The following ABCA3 variants were observed in gnomAD, a reference collection of about 807,000 sequenced individuals.
ABCA3 encodes ATP binding cassette subfamily A member 3.
Under a neutral mutation model 172.8 loss-of-function variants are expected in ABCA3, and 88 were observed. That is an observed-to-expected ratio of 0.51 (90% CI 0.43 to 0.61). The LOEUF (loss-of-function observed/expected upper bound fraction) is 0.61, where lower values mean the gene tolerates loss of function less well. Ranked by LOEUF, ABCA3 falls within the 20% of genes least tolerant of loss-of-function variation. ABCA3 has a pLI of 0.00. For missense variants in ABCA3, 2,164 were observed against 2,301.0 expected, an observed-to-expected ratio of 0.94 and a Z score of 1.22; for synonymous variants, 1,066 against 983.8, an observed-to-expected ratio of 1.08 and a Z score of -1.56.
chr16:2,285,514 G>A lies in ABCA3; in HGVS notation c.3411C>T (p.His1137=), dbSNP rs150498812. The A allele has an allele frequency of 6.8e-6, 11 of 1,608,736 alleles. No individual in the cohort carries two copies. Among genetic ancestry groups the A allele is most frequent in the Admixed American group, 6.7e-5 (4 of 59,302 alleles). The change falls in exon 23 of 33, where the codon CAC becomes CAT. Residue 1137 remains histidine (H), a synonymous_variant. Coordinates refer to ENST00000301732, the MANE Select transcript of ABCA3 (RefSeq NM_001089.3). The surrounding 1 kb of genome is among the most constrained non-coding windows in gnomAD (Gnocchi z 4.7). ...GAGCAGAGAGCCAGAAACTGGCCAC[G>A]TGGACTCCACTCACAAACTGCACAT... ...AKHVQFVSGV[H]VASFWLSALL...
Position 2,297,547 on chromosome 16 carries a change from G to A in ABCA3, c.2053-8C>T. The A allele has an allele frequency of 6.2e-7, 1 of 1,611,784 alleles. No homozygotes were observed. The highest frequency in any genetic ancestry group is 8.5e-7 in the Non-Finnish European group (1 of 1,179,866). On this transcript the variant is annotated splice_region_variant and splice_polypyrimidine_tract_variant and intron_variant, in intron 16 of 32. Coordinates refer to ENST00000301732, the MANE Select transcript of ABCA3 (RefSeq NM_001089.3). The surrounding 1 kb of genome is among the most constrained non-coding windows in gnomAD (Gnocchi z 5.6). ...CTCGTCCAGTATCAGCACCTGGAGG[G>A]AGAGACACAGTCTCGCGACGCTGGT...
At chr16:2,302,621 A>G (rs541278275) in intron 12 of ABCA3, among the ~76,000 whole-genome samples, 1 of 151,974 alleles carries the variant, frequency 6.6e-6, no homozygotes, top group Non-Finnish European at 1.5e-5. Context: ...CTGGGACCAC[A>G]GGCATGTGCC....
rs1596828361 is a variant in ABCA3 at position 2,279,699 on chromosome 16, C to A, written c.4360-569G>T. On this transcript the variant is annotated intron_variant, in intron 28 of 32. Transcript: ENST00000301732. The surrounding 1 kb of genome is among the most constrained non-coding windows in gnomAD (Gnocchi z 4.4). ...TCTGTGGATTCCAGAGACTGGATTTCTTTTTCTTTACCTTCCTTCTTTGGG... is the reference window on the plus strand; with the variant it reads ...TCTGTGGATTCCAGAGACTGGATTTATTTTTCTTTACCTTCCTTCTTTGGG... Among the ~76,000 whole-genome samples, 1 of 151,502 alleles carries A rather than the reference C, an allele frequency of 6.6e-6. No homozygotes were observed. The highest frequency in any genetic ancestry group is 3.4e-3 in the Middle Eastern group (1 of 294).
At position 2,284,512 on chromosome 16, in the gene ABCA3, C is replaced by G. The variant is rs547822173; in HGVS notation, c.3704-75G>C. 33 of 1,585,440 alleles carry G rather than the reference C, an allele frequency of 2.1e-5. 1 individual carries two copies. In the Middle Eastern group the frequency reaches 4.0e-3, roughly 192 times the overall value. On this transcript the variant is annotated intron_variant, in intron 24 of 32. Coordinates refer to ENST00000301732, the MANE Select transcript of ABCA3 (RefSeq NM_001089.3). The surrounding 1 kb of genome is among the most constrained non-coding windows in gnomAD (Gnocchi z 5.9). ...ACCTCCAGGACGGGCCTGGTCAGGG[C>G]GGGCACAGGGCCTTATCCGTGCTGT... is the stretch of plus-strand genomic sequence containing the variant.
In ABCA3 at chr16:2,278,515, C is replaced by G; in HGVS notation, c.4548-57G>C. 1 of 1,595,526 alleles carries G rather than the reference C, an allele frequency of 6.3e-7. No individual in the cohort carries two copies. Among genetic ancestry groups the G allele is most frequent in the Non-Finnish European group, 8.5e-7 (1 of 1,174,634 alleles). On this transcript the variant is annotated intron_variant, in intron 29 of 32. Coordinates refer to ENST00000301732, the MANE Select transcript of ABCA3 (RefSeq NM_001089.3). This position sits in a 1 kb window ranked among gnomAD's most constrained non-coding sequence, Gnocchi z 4.4. ...AAGGCTGAGAGTTAGCATTGGCTCC[C>G]ATGTCCCAGTGGAGGCCCGTGTCCC...
chr16:2,302,259 G>C (rs183052297), intron 12 of ABCA3, among the ~76,000 whole-genome samples: 3 of 152,208 alleles, frequency 2.0e-5, no homozygotes, highest in Non-Finnish European at 2.9e-5. Flanking sequence ...AATTCCTCTA[G>C]TGCCGCTGGG....
intron 1 of ABCA3, chr16:2,332,816 C>T (rs1780280392): frequency 5.4e-5 from 26 of 477,624 alleles, no homozygotes; most frequent in East Asian, 1.1e-4. Flanking sequence ...CCTATGTGCC[C>T]TTTTTTTTTT....
In ABCA3 at chr16:2,283,261, C is replaced by T; in HGVS notation, c.3960G>A (p.Leu1320=). 10 of 1,613,446 alleles carry T rather than the reference C, an allele frequency of 6.2e-6. No homozygotes were observed. The highest frequency in any genetic ancestry group is 7.6e-6 in the Non-Finnish European group (9 of 1,179,992). The change falls in exon 26 of 33, where the codon CTG becomes CTA. Residue 1320 remains leucine (L), a synonymous_variant. Coordinates refer to ENST00000301732, the MANE Select transcript of ABCA3 (RefSeq NM_001089.3). This position sits in a 1 kb window ranked among gnomAD's most constrained non-coding sequence, Gnocchi z 5.4. The part of the protein sequence containing the change: ...MAASGCAYLI[L]LFLIETNLLQ... ...GCAGGTTGGTCTCGATGAGGAAGAG[C>T]AGGATGAGGTAGGCGCACCCTGAGG...
At chr16:2,329,309 G>C (rs941551910) in intron 2 of ABCA3, among the ~76,000 whole-genome samples, 16 of 152,158 alleles carry the variant, frequency 1.1e-4, no homozygotes, top group African/African-American at 3.1e-4. Flanking sequence ...ATTAAGGCCT[G>C]TGGTTTATAA....
chr16:2,330,374 C>T (rs1193148950), intron 1 of ABCA3, among the ~76,000 whole-genome samples: 1 of 147,058 alleles, frequency 6.8e-6, no homozygotes, highest in African/African-American at 2.5e-5. Flanking sequence ...GGCTGGAGTG[C>T]CGTGGTGCCA....
At chr16:2,302,840 G>A (rs1208955206) in intron 12 of ABCA3, among the ~76,000 whole-genome samples, 1 of 150,388 alleles carries the variant, frequency 6.6e-6, no homozygotes, top group Non-Finnish European at 1.5e-5. Context: ...CCAGGTTGGA[G>A]TGCAATGGCA....
intron 5 of ABCA3, 116 bp from the exon 6 acceptor site, chr16:2,324,647 A>AG: frequency 6.8e-7 from 1 of 1,460,524 alleles, no homozygotes; most frequent in Non-Finnish European, 9.3e-7. Flanking sequence ...GGCTTTGTAA[A>AG]CCCTTCCTGA....
At chr16:2,304,500 C>CG (rs2093694426) in intron 11 of ABCA3, among the ~76,000 whole-genome samples, 1 of 84,004 alleles carries the variant, frequency 1.2e-5, no homozygotes, top group African/African-American at 4.9e-5. Flanking sequence ...TAGCATAAGT[C>CG]TTTTTTTTTT....
chr16:2,304,164 C>T lies in ABCA3; in HGVS notation c.1286-14G>A, dbSNP rs781011331. 4 of 1,614,014 alleles carry T rather than the reference C, an allele frequency of 2.5e-6. No individual in the cohort carries two copies. The highest frequency in any genetic ancestry group is 3.4e-6 in the Non-Finnish European group (4 of 1,180,034). On this transcript the variant is annotated splice_polypyrimidine_tract_variant and intron_variant, in intron 11 of 32. Transcript: ENST00000301732. ...GGATGCCCATGCCTGGAAGACACAT[C>T]AGGAAAGTGGCCCGAAAGCCAGCAG...
At chr16:2,318,040 C>T (rs1276466791) in intron 8 of ABCA3, among the ~76,000 whole-genome samples, 2 of 152,230 alleles carry the variant, frequency 1.3e-5, no homozygotes, top group African/African-American at 2.4e-5. Flanking sequence ...AGTGCATGCT[C>T]CCCAGTCTTT....
intron 3 of ABCA3, 124 bp from the exon 4 acceptor site, chr16:2,326,616 T>A: frequency 9.7e-7 from 1 of 1,034,622 alleles, no homozygotes. Flanking sequence ...CCACTTTAAC[T>A]CCAAACACCC....
At chr16:2,338,231 A>G (rs1406909825) in intron 1 of ABCA3, among the ~76,000 whole-genome samples, 1 of 151,886 alleles carries the variant, frequency 6.6e-6, no homozygotes. Context: ...CACCACAAAC[A>G]CTCTGAGCCA....
Position 2,296,334 on chromosome 16 carries a change from A to G in ABCA3, c.2264-594T>C, listed in dbSNP as rs12596077. ...TAACTTCTCCCTCCTTGGTTCAAGT[A>G]CTTATTCTCCTGCCTCAGCCTCCCC... On this transcript the variant is annotated intron_variant, in intron 17 of 32. Coordinates refer to ENST00000301732, the MANE Select transcript of ABCA3 (RefSeq NM_001089.3). Among the ~76,000 whole-genome samples, 16 of 151,868 alleles carry G rather than the reference A, an allele frequency of 1.1e-4. No individual in the cohort carries two copies. The East Asian group carries it at 3.1e-3, about 29-fold the overall frequency.
At chr16:2,295,266 A>G (rs1040894373) in intron 18 of ABCA3, among the ~76,000 whole-genome samples, 4 of 152,194 alleles carry the variant, frequency 2.6e-5, no homozygotes, top group Non-Finnish European at 4.4e-5. Context: ...AGTAGTTCTG[A>G]GTGCAGCCGC....
Sources: allele counts gnomAD v4.1 joint callset (sites outside exome capture counted in the v4.1 genomes callset), GRCh38; gene constraint gnomAD v4.1.1; non-coding constraint Gnocchi (gnomAD v3.1); transcripts MANE v1.5; gene names NCBI Gene and HGNC (gene_info 2026-07-23, HGNC 2026-07-21).